NUGGC: variants seen among roughly 807,000 people sequenced by gnomAD.
NUGGC encodes the protein nuclear GTPase, germinal center associated, also known as nuclear GTPase SLIP-GC.
In NUGGC, 58 loss-of-function variants were observed where a neutral mutation model predicts 92.6. The ratio of observed to expected loss-of-function variants is 0.63; its 90% CI spans 0.51 to 0.78. NUGGC has a LOEUF of 0.78. Among genes scored for constraint, NUGGC ranks in the 30% least tolerant of loss-of-function variants. The probability of loss-of-function intolerance (pLI) is 0.00; values close to 1 mark genes in which losing one functional copy is unlikely to be tolerated. For missense variants in NUGGC, 925 were observed against 964.6 expected, an observed-to-expected ratio of 0.96 and a Z score of 0.54; for synonymous variants, 376 against 366.4, an observed-to-expected ratio of 1.03 and a Z score of -0.30.
chr8:28,033,171 A>G (rs748840456), intron 14 of NUGGC, among the ~76,000 whole-genome samples: 3 of 152,164 alleles, frequency 2.0e-5, no homozygotes, highest in Non-Finnish European at 2.9e-5. Context: ...TTTTTTAAAA[A>G]AAAGGAAGAA....
chr8:28,060,085 T>C (rs1042901484), intron 8 of NUGGC, among the ~76,000 whole-genome samples: 2 of 151,250 alleles, frequency 1.3e-5, no homozygotes, highest in African/African-American at 4.9e-5. Flanking sequence ...TATGGGGGCA[T>C]CTACACTTTC....
intron 4 of NUGGC, 39 bp from the exon 5 acceptor site, chr8:28,068,477 A>G: frequency 7.3e-7 from 1 of 1,372,094 alleles, no homozygotes; most frequent in Non-Finnish European, 1.0e-6. Flanking sequence ...ATGATCATCA[A>G]AGTTTAGAGT....
Position 28,054,475 on chromosome 8 carries a change from C to G in NUGGC, c.1206+1490G>C, listed in dbSNP as rs189266991. Among the ~76,000 whole-genome samples the G allele has an allele frequency of 5.9e-3, 887 of 151,518 alleles. 13 individuals are homozygous for G. The highest frequency in any genetic ancestry group is 0.02 in the African/African-American group (824 of 40,984). On this transcript the variant is annotated intron_variant, in intron 10 of 18. Coordinates refer to ENST00000413272, the MANE Select transcript of NUGGC (RefSeq NM_001010906.2). ...CCAGCCTGGGCAACGGAGCGCAACT[C>G]TGTCTCAAAATAAAAAAGTTAAAAA...
intron 6 of NUGGC, among the ~76,000 whole-genome samples, chr8:28,065,939 C>T (rs566155076): frequency 8.5e-4 from 130 of 152,292 alleles, no homozygotes; most frequent in African/African-American, 3.0e-3. Flanking sequence ...GCTTGAAAAG[C>T]CCCTTCCTAC....
chr8:28,059,976 G>A (rs769439324), intron 8 of NUGGC, among the ~76,000 whole-genome samples: 6 of 151,954 alleles, frequency 3.9e-5, no homozygotes, highest in South Asian at 2.1e-4. Context: ...AGCTGAGATC[G>A]TGCCATTGCA....
chr8:28,081,848 A>T (rs1005747193), intron 1 of NUGGC, among the ~76,000 whole-genome samples: 3 of 151,708 alleles, frequency 2.0e-5, no homozygotes, highest in Non-Finnish European at 4.4e-5. Flanking sequence ...ACTGCACTCC[A>T]GCCTGGGCAA....
intron 6 of NUGGC, among the ~76,000 whole-genome samples, chr8:28,065,612 A>G (rs1810422332): frequency 6.6e-6 from 1 of 152,224 alleles, no homozygotes; most frequent in African/African-American, 2.4e-5. Context: ...TCTCGGGACA[A>G]TGACACATCC....
intron 1 of NUGGC, among the ~76,000 whole-genome samples, chr8:28,079,299 T>C (rs1266384243): frequency 1.3e-5 from 2 of 152,074 alleles, no homozygotes; most frequent in Non-Finnish European, 2.9e-5. Flanking sequence ...CCCAGCACTT[T>C]GGGAGGCTGA....
chr8:28,070,351 CT>C lies in NUGGC; in HGVS notation c.48del (p.Asp17MetfsTer45). The C allele has an allele frequency of 1.4e-6, 2 of 1,472,026 alleles. No individual in the cohort carries two copies. Among genetic ancestry groups the C allele is most frequent in the Non-Finnish European group, 1.9e-6 (2 of 1,074,876 alleles). 91.2% of individuals were successfully genotyped at this position (1,472,026 alleles called of 1,614,324 possible). A position where few individuals can be genotyped will look rare whatever the true frequency, so the allele number is the denominator to read the frequency against. On this transcript the variant is annotated frameshift_variant, in exon 3 of 19. Coordinates refer to ENST00000413272, the MANE Select transcript of NUGGC (RefSeq NM_001010906.2). LOFTEE classifies it high-confidence loss of function. Reference protein sequence around the residue: ...DVFGQEPHPVEDDLYKERTRK... With the variant: ...DVFGQEPHPVXDDLYKERTRK... ...CTCGTTCGTTCTTTATATAAATCAT[CT>C]TCAACTAGAGATAAACAGAGGATAT...
Position 28,041,295 on chromosome 8 carries a change from T to C in NUGGC, c.1447-80A>G. 11 of 1,377,638 alleles carry C rather than the reference T, an allele frequency of 8.0e-6. No homozygotes were observed. The South Asian group carries it at 1.3e-4, about 17-fold the overall frequency. The allele number at this position is 1,377,638 out of a possible 1,614,324, so 85.3% of individuals were successfully genotyped here. ...TCCTGAAGCTTTGCTTTCTTTAAGC[T>C]TGTCACCAGCTCAAGATTCAGCTTA... is the stretch of plus-strand genomic sequence containing the variant. On this transcript the variant is annotated intron_variant, in intron 12 of 18. Coordinates refer to ENST00000413272, the MANE Select transcript of NUGGC (RefSeq NM_001010906.2).
chr8:28,072,183 T>C (rs1273961863), intron 2 of NUGGC, among the ~76,000 whole-genome samples: 2 of 152,104 alleles, frequency 1.3e-5, no homozygotes, highest in African/African-American at 2.4e-5. Context: ...TTGAGAGAGG[T>C]TATACTTCGA....
chr8:28,081,534 C>A (rs1195551022), intron 1 of NUGGC, among the ~76,000 whole-genome samples: 1 of 152,120 alleles, frequency 6.6e-6, no homozygotes, highest in Non-Finnish European at 1.5e-5. Flanking sequence ...GACTCCCGTT[C>A]TTGTCCCTAT....
At chr8:28,049,445 T>G (rs537746487) in intron 10 of NUGGC, among the ~76,000 whole-genome samples, 1 of 152,400 alleles carries the variant, frequency 6.6e-6, no homozygotes, top group African/African-American at 2.4e-5. Flanking sequence ...TGTGTCCAGA[T>G]GTTTGCATTA....
intron 1 of NUGGC, among the ~76,000 whole-genome samples, chr8:28,079,385 CA>C (rs1810794072): frequency 6.6e-6 from 1 of 152,054 alleles, no homozygotes; most frequent in Admixed American, 6.6e-5. Flanking sequence ...ACTAAAAATA[CA>C]AAAATTAGCC....
chr8:28,027,027 C>A lies in NUGGC; in HGVS notation c.2180G>T (p.Gly727Val). ...AAGGGCCAGCATAGTGGTGATGCTG[C>A]CCTTCACCTTCTCCACGATTCCAGT... ...LKTGIVEKVKGSITTMLALAS... is the reference protein window; with the variant it reads ...LKTGIVEKVKVSITTMLALAS... The change falls in exon 18 of 19, where the codon GGC (glycine) becomes GTC (valine). Residue 727 changes from glycine to valine, a missense_variant. Gly to Val is a moderately radical substitution (Grantham distance 109, BLOSUM62 -3). Transcript: ENST00000413272. 1 of 1,613,336 alleles carries A rather than the reference C, an allele frequency of 6.2e-7. No individual in the cohort carries two copies. The highest frequency in any genetic ancestry group is 8.5e-7 in the Non-Finnish European group (1 of 1,179,318).
Position 28,074,380 on chromosome 8 carries a change from C to G in NUGGC, c.31G>C (p.Glu11Gln), listed in dbSNP as rs1810667885. The G allele has an allele frequency of 6.2e-7, 1 of 1,613,100 alleles. No homozygotes were observed. Among genetic ancestry groups the G allele is most frequent in the Non-Finnish European group, 8.5e-7 (1 of 1,179,158 alleles). Reference protein sequence around the residue: MAETKDVFGQEPHPVEDDLYK... With the variant: MAETKDVFGQQPHPVEDDLYK... ...GCAAAGATGTTACCTGGATGCGGTT[C>G]CTGGCCAAAAACATCCTTCGTTTCT... Residue 11 changes from glutamate to glutamine, a missense_variant, in exon 2 of 19, where the codon GAA becomes CAA. Glu to Gln is a conservative substitution (Grantham distance 29). Transcript: ENST00000413272.
intron 1 of NUGGC, among the ~76,000 whole-genome samples, chr8:28,079,670 T>A (rs969613083): frequency 6.6e-6 from 1 of 152,226 alleles, no homozygotes; most frequent in Non-Finnish European, 1.5e-5. Context: ...GACTCCAAGT[T>A]CAATGTTCTT....
At chr8:28,069,290 A>T (rs1340979898) in intron 4 of NUGGC, among the ~76,000 whole-genome samples, 2 of 152,168 alleles carry the variant, frequency 1.3e-5, no homozygotes, top group Non-Finnish European at 2.9e-5. Flanking sequence ...GTAAAATGGA[A>T]GTGATCATAA....
At position 28,023,030 on chromosome 8, in the gene NUGGC, A is replaced by G. The variant is rs988480410; in HGVS notation, c.*287T>C. On this transcript the variant is annotated 3_prime_UTR_variant, in exon 19 of 19. Transcript: ENST00000413272. The stretch of plus-strand genomic sequence containing the variant: ...GGTTGCAGTGAGCCGAGATTGCACC[A>G]CTGCATTCCAGCCTGGGTGACACAG... 2.1e-5 allele frequency: 5 copies of G among 233,834 alleles called. No homozygotes were observed. The highest frequency in any genetic ancestry group is 6.9e-5 in the African/African-American group (3 of 43,402). 14.5% of individuals were successfully genotyped at this position (233,834 alleles called of 1,614,324 possible). A position where few individuals can be genotyped will look rare whatever the true frequency, so the allele number is the denominator to read the frequency against.
Sources: gnomAD v4.1 joint callset for allele counts (sites outside exome capture counted in the v4.1 genomes callset) on GRCh38, gnomAD v4.1.1 for gene constraint, MANE v1.5 for transcripts, NCBI Gene and HGNC (gene_info 2026-07-23, HGNC 2026-07-21) for gene names.